FOXRED2: variants seen among roughly 807,000 people sequenced by gnomAD.
FOXRED2 encodes FAD dependent oxidoreductase domain containing 2, also known as FAD-dependent oxidoreductase domain-containing protein 2.
FOXRED2 carries 32 observed loss-of-function variants against 52.5 expected under a neutral mutation model. The ratio of observed to expected loss-of-function variants is 0.61; its 90% CI spans 0.46 to 0.82. The LOEUF (loss-of-function observed/expected upper bound fraction) is 0.82. Among genes scored for constraint, FOXRED2 ranks in the 40% least tolerant of loss-of-function variants. The pLI is 0.00. For missense variants in FOXRED2, 848 were observed against 937.5 expected, an observed-to-expected ratio of 0.90 and a Z score of 1.25; for synonymous variants, 405 against 398.1, an observed-to-expected ratio of 1.02 and a Z score of -0.21.
chr22:36,496,609 G>A (rs926934751), intron 6 of FOXRED2, among the ~76,000 whole-genome samples: 3 of 152,204 alleles, frequency 2.0e-5, no homozygotes, highest in East Asian at 1.9e-4. Context: ...ATGACGAGAC[G>A]TGAGGAGTCG....
chr22:36,490,348 G>C, intron 8 of FOXRED2, 81 bp from the exon 9 acceptor site: 1 of 1,453,486 alleles, frequency 6.9e-7, no homozygotes, highest in South Asian at 1.3e-5. Context: ...GCCAATGCCA[G>C]GTGTGGGGGC....
intron 5 of FOXRED2, among the ~76,000 whole-genome samples, chr22:36,499,490 G>T (rs1242037080): frequency 3.3e-5 from 5 of 152,116 alleles, no homozygotes; most frequent in Admixed American, 2.0e-4. Flanking sequence ...GCTGGGTGTG[G>T]TGGTGCACGC....
chr22:36,490,273 C>G lies in FOXRED2; in HGVS notation c.1796-6G>C. 2.5e-6 allele frequency: 4 copies of G among 1,583,140 alleles called. No homozygotes were observed. Among genetic ancestry groups the G allele is most frequent in the Non-Finnish European group, 3.4e-6 (4 of 1,159,984 alleles). The stretch of plus-strand genomic sequence containing the variant: ...GGCGAACAGGAAGCAGGACTCTACA[C>G]AAAAGCAAAATGAGGAGAATGAGCC... On this transcript the variant is annotated splice_polypyrimidine_tract_variant and splice_region_variant and intron_variant, in intron 8 of 8. Transcript: ENST00000397224.
chr22:36,500,583 ATTT>A (rs5845272), intron 5 of FOXRED2, among the ~76,000 whole-genome samples: 2 of 136,738 alleles, frequency 1.5e-5, no homozygotes, highest in Admixed American at 7.5e-5. Flanking sequence ...ATCCAATTAC[ATTT>A]TTTTTTTTTT....
At chr22:36,500,825 C>A (rs2052542064) in intron 5 of FOXRED2, among the ~76,000 whole-genome samples, 1 of 152,156 alleles carries the variant, frequency 6.6e-6, no homozygotes, top group Admixed American at 6.5e-5. Context: ...CTGAAGCAAT[C>A]CACCTGCCTT....
At chr22:36,493,218 G>A (rs1457927616) in intron 8 of FOXRED2, among the ~76,000 whole-genome samples, 1 of 152,182 alleles carries the variant, frequency 6.6e-6, no homozygotes, top group Non-Finnish European at 1.5e-5. Context: ...TGAGGCAGGC[G>A]GATCACGAGG....
chr22:36,500,582 C>T (rs968940214), intron 5 of FOXRED2, among the ~76,000 whole-genome samples: 2 of 118,980 alleles, frequency 1.7e-5, no homozygotes. Flanking sequence ...AATCCAATTA[C>T]ATTTTTTTTT....
At position 36,489,954 on chromosome 22, in the gene FOXRED2, A is replaced by G. The variant is rs1933704974; in HGVS notation, c.*54T>C. 4.7e-6 allele frequency: 7 copies of G among 1,498,314 alleles called. No individual in the cohort carries two copies. The highest frequency in any genetic ancestry group is 2.3e-5 in the East Asian group (1 of 43,218). The allele number at this position is 1,498,314 out of a possible 1,614,324, so 92.8% of individuals were successfully genotyped here. A position where few individuals can be genotyped will look rare whatever the true frequency, so the allele number is the denominator to read the frequency against. ...GGTTGCGGGGAAAGAGGGACTGACC[A>G]TGGGCCTAGGTGGGGAGGCCTGGCC... On this transcript the variant is annotated 3_prime_UTR_variant, in exon 9 of 9. Transcript: ENST00000397224.
At chr22:36,497,245 C>G (rs1933925018) in intron 6 of FOXRED2, among the ~76,000 whole-genome samples, 1 of 151,302 alleles carries the variant, frequency 6.6e-6, no homozygotes, top group Non-Finnish European at 1.5e-5. Flanking sequence ...GAGGCTGAGG[C>G]AGGAGAAGTG....
At chr22:36,493,509 G>A (rs62229991) in intron 8 of FOXRED2, 124 bp downstream of exon 8, 21,608 of 709,106 alleles carry the variant, frequency 0.03, 451 homozygotes, top group Non-Finnish European at 0.039. Context: ...CGGCATTGTC[G>A]GGAACAGTAG....
At chr22:36,505,197 G>C (rs1276133462) in intron 2 of FOXRED2, among the ~76,000 whole-genome samples, 1 of 152,166 alleles carries the variant, frequency 6.6e-6, no homozygotes, top group East Asian at 1.9e-4. Context: ...TTCTGTACCA[G>C]GCCCTGTACT....
intron 8 of FOXRED2, among the ~76,000 whole-genome samples, chr22:36,492,646 A>G (rs745913819): frequency 6.6e-6 from 1 of 152,062 alleles, no homozygotes; most frequent in Non-Finnish European, 1.5e-5. Context: ...CCGAGTAGGT[A>G]GCTGGGATTA....
intron 5 of FOXRED2, among the ~76,000 whole-genome samples, chr22:36,499,617 C>G (rs1317164696): frequency 6.6e-6 from 1 of 151,962 alleles, no homozygotes; most frequent in East Asian, 1.9e-4. Flanking sequence ...CAGGAAGAGA[C>G]GCTGTCTCAA....
intron 6 of FOXRED2, 62 bp from the exon 7 acceptor site, chr22:36,496,270 CG>C: frequency 6.3e-7 from 1 of 1,599,262 alleles, no homozygotes; most frequent in Non-Finnish European, 8.5e-7. Flanking sequence ...GGGTGCAGCC[CG>C]GGGGTGAGCA....
At chr22:36,490,964 T>C (rs887003866) in intron 8 of FOXRED2, among the ~76,000 whole-genome samples, 1 of 152,166 alleles carries the variant, frequency 6.6e-6, no homozygotes, top group Non-Finnish European at 1.5e-5. Context: ...GAGACCAGCC[T>C]GGCCAACATA....
chr22:36,496,100 C>T lies in FOXRED2; in HGVS notation c.1491G>A (p.Met497Ile). 1 of 1,614,216 alleles carries T rather than the reference C, an allele frequency of 6.2e-7. No homozygotes were observed. The highest frequency in any genetic ancestry group is 8.5e-7 in the Non-Finnish European group (1 of 1,180,044). The change falls in exon 7 of 9, where the codon ATG becomes ATA. Residue 497 changes from methionine (M) to isoleucine (I), a missense_variant. Transcript: ENST00000397224. Reference protein sequence around the residue: ...KAKHGLFVINMEYGRNFSGPD... With the variant: ...KAKHGLFVINIEYGRNFSGPD... The stretch of plus-strand genomic sequence containing the variant: ...GGCCAGAGAAATTTCTGCCATATTC[C>T]ATGTTGATGACGAAGAGCCCGTGCT...
chr22:36,501,981 C>T (rs1287957129), intron 4 of FOXRED2, among the ~76,000 whole-genome samples: 1 of 151,282 alleles, frequency 6.6e-6, no homozygotes, highest in African/African-American at 2.4e-5. Context: ...CTGGCCAACA[C>T]AGTGAAACCC....
chr22:36,489,804 C>T lies in FOXRED2; in HGVS notation c.*204G>A. 4.0e-6 allele frequency: 2 copies of T among 497,576 alleles called. No individual in the cohort carries two copies. The highest frequency in any genetic ancestry group is 6.9e-6 in the Non-Finnish European group (2 of 288,788). The allele number at this position is 497,576 out of a possible 1,614,324, so 30.8% of individuals were successfully genotyped here. A position where few individuals can be genotyped will look rare whatever the true frequency, so the allele number is the denominator to read the frequency against. On this transcript the variant is annotated 3_prime_UTR_variant, in exon 9 of 9. Coordinates refer to ENST00000397224, the MANE Select transcript of FOXRED2 (RefSeq NM_001102371.2). ...CTGGCAGAGGATGCCCTTCTGCCCC[C>T]TGACAGGAGGGAGGAGACCACCGCA...
chr22:36,489,912 CATTGG>C lies in FOXRED2; in HGVS notation c.*91_*95del. On this transcript the variant is annotated 3_prime_UTR_variant, in exon 9 of 9. Coordinates refer to ENST00000397224, the MANE Select transcript of FOXRED2 (RefSeq NM_001102371.2). ...ATCTGAGTGGTCTTTGGCAATCACG[CATTGG>C]CGGGAGTGTGAGGTTGCGGGGAAAG... is the stretch of plus-strand genomic sequence containing the variant. 1 of 1,273,386 alleles carries C rather than the reference CATTGG, an allele frequency of 7.9e-7. No homozygotes were observed. The highest frequency in any genetic ancestry group is 1.1e-6 in the Non-Finnish European group (1 of 936,656). The allele number at this position is 1,273,386 out of a possible 1,614,324, so 78.9% of individuals were successfully genotyped here.
Sources: allele counts gnomAD v4.1 joint callset (sites outside exome capture counted in the v4.1 genomes callset), GRCh38; gene constraint gnomAD v4.1.1; transcripts MANE v1.5; gene names NCBI Gene and HGNC (gene_info 2026-07-23, HGNC 2026-07-21).